Variants in ERC1 observed in about 807,000 individuals in gnomAD.
ERC1 encodes the protein RAB6 interacting protein 2.
Under a neutral mutation model 132.0 loss-of-function variants are expected in ERC1, and 56 were observed. The observed-to-expected ratio is 0.42, with a 90% CI of 0.34 to 0.53. The LOEUF (loss-of-function observed/expected upper bound fraction) is 0.53, where lower values mean the gene tolerates loss of function less well. Among genes scored for constraint, ERC1 ranks in the 20% least tolerant of loss-of-function variants. ERC1 has a pLI of 0.03. For synonymous variants in ERC1, 478 were observed against 476.1 expected (o/e 1.00, Z -0.05); for missense variants, 1,202 against 1,349.9 (o/e 0.89, Z 1.72).
intron 7 of ERC1, among the ~76,000 whole-genome samples, chr12:1,139,642 C>T (rs973348184): frequency 6.6e-6 from 1 of 151,494 alleles, no homozygotes; most frequent in Non-Finnish European, 1.5e-5. Context: ...TACATGAACA[C>T]ATGCAGGAAG....
chr12:1,467,554 G>A (rs775785993), intron 18 of ERC1, among the ~76,000 whole-genome samples: 22 of 152,164 alleles, frequency 1.4e-4, no homozygotes, highest in African/African-American at 1.9e-4. Flanking sequence ...GGTCCCCAAC[G>A]TTTTCGGCAC....
At chr12:1,210,002 T>C (rs1957718581) in intron 12 of ERC1, among the ~76,000 whole-genome samples, 1 of 152,148 alleles carries the variant, frequency 6.6e-6, no homozygotes. Flanking sequence ...AGGTTAAGAT[T>C]TCAGGATGTT....
intron 16 of ERC1, among the ~76,000 whole-genome samples, chr12:1,384,498 A>G (rs1383398736): frequency 2.6e-5 from 4 of 152,236 alleles, no homozygotes; most frequent in African/African-American, 9.6e-5. Context: ...GTTCCAAAGT[A>G]TTGCACAGCA....
At chr12:1,488,365 C>T (rs992044747) in intron 18 of ERC1, among the ~76,000 whole-genome samples, 2 of 151,892 alleles carry the variant, frequency 1.3e-5, no homozygotes, top group Non-Finnish European at 1.5e-5. Context: ...ATTTGTCAAG[C>T]ACTTTATATG....
chr12:1,352,684 A>C (rs755546143), intron 15 of ERC1, among the ~76,000 whole-genome samples: 3 of 150,726 alleles, frequency 2.0e-5, no homozygotes, highest in Non-Finnish European at 4.4e-5. Flanking sequence ...TTTCTCTACT[A>C]CACTTGTCCA....
intron 15 of ERC1, among the ~76,000 whole-genome samples, chr12:1,333,820 AATC>A (rs768691571): frequency 4.6e-5 from 7 of 152,154 alleles, no homozygotes; most frequent in Non-Finnish European, 1.0e-4. Flanking sequence ...TTCTTTGAGG[AATC>A]ATCATGCTGT....
At chr12:1,040,324 C>CT (rs956609769) in intron 2 of ERC1, among the ~76,000 whole-genome samples, 8,890 of 137,898 alleles carry the variant, frequency 0.064, 393 homozygotes, top group Admixed American at 0.14. Context: ...TTTCTTTTTT[C>CT]TTTTTTTTTT....
chr12:1,154,338 T>C (rs1007405355), intron 8 of ERC1, among the ~76,000 whole-genome samples: 4 of 118,856 alleles, frequency 3.4e-5, no homozygotes, highest in Non-Finnish European at 5.1e-5. Flanking sequence ...TATACACACA[T>C]ACCCATGTGT....
intron 15 of ERC1, among the ~76,000 whole-genome samples, chr12:1,355,860 G>A (rs1368182401): frequency 3.3e-5 from 5 of 152,082 alleles, no homozygotes; most frequent in Non-Finnish European, 5.9e-5. Flanking sequence ...TTCAGAAATG[G>A]GAAAAATGGC....
intron 15 of ERC1, among the ~76,000 whole-genome samples, chr12:1,318,478 G>A (rs1374180111): frequency 2.0e-5 from 3 of 152,144 alleles, no homozygotes; most frequent in East Asian, 1.9e-4. Flanking sequence ...CAAACTGTTC[G>A]GAGTACAGTG....
intron 2 of ERC1, among the ~76,000 whole-genome samples, chr12:1,031,628 A>T (rs1055421251): frequency 6.6e-6 from 1 of 152,198 alleles, no homozygotes; most frequent in Non-Finnish European, 1.5e-5. Flanking sequence ...TTTACTTTTT[A>T]ATCAATTATT....
At chr12:1,138,233 A>G (rs1949529344) in intron 7 of ERC1, among the ~76,000 whole-genome samples, 1 of 125,554 alleles carries the variant, frequency 8.0e-6, no homozygotes, top group Non-Finnish European at 1.6e-5. Flanking sequence ...TATCATGTAT[A>G]ATATAATTAC....
intron 15 of ERC1, among the ~76,000 whole-genome samples, chr12:1,327,439 A>G (rs539176608): frequency 1.3e-5 from 2 of 152,256 alleles, no homozygotes; most frequent in South Asian, 2.1e-4. Flanking sequence ...GTAGCCCCCA[A>G]ATAAATTTTT....
intron 14 of ERC1, among the ~76,000 whole-genome samples, chr12:1,268,981 A>G (rs909699598): frequency 2.0e-5 from 3 of 152,346 alleles, no homozygotes; most frequent in African/African-American, 7.2e-5. Flanking sequence ...CAGTCAGATC[A>G]TGCTGAATGA....
chr12:1,104,927 C>A, intron 4 of ERC1, 103 bp downstream of exon 4: 2 of 698,004 alleles, frequency 2.9e-6, no homozygotes, highest in Non-Finnish European at 5.1e-6. Context: ...AATAGTATTT[C>A]ACTTATTTGG....
rs146584367 is a variant in ERC1 at position 1,451,040 on chromosome 12, A to G, written c.3213+6290A>G. The stretch of plus-strand genomic sequence containing the variant: ...TGTTACTGAGTTTTAGAAGTTCTCT[A>G]CATAGTTAGATAGTTATCCCTAATC... On this transcript the variant is annotated intron_variant, in intron 18 of 18. Transcript: ENST00000360905. 3.7e-3 allele frequency among the ~76,000 whole-genome samples: 556 copies of G among 152,328 alleles called. 4 individuals are homozygous for G. The highest frequency in any genetic ancestry group is 0.013 in the African/African-American group (527 of 41,564).
intron 1 of ERC1, among the ~76,000 whole-genome samples, chr12:1,016,896 C>T (rs979946079): frequency 2.6e-5 from 4 of 152,304 alleles, no homozygotes; most frequent in Admixed American, 6.5e-5. Context: ...AGTGATCTGC[C>T]TGCCTTGGCC....
chr12:1,338,293 C>T (rs1595086318), intron 15 of ERC1, among the ~76,000 whole-genome samples: 2 of 152,302 alleles, frequency 1.3e-5, no homozygotes, highest in East Asian at 3.8e-4. Flanking sequence ...AGTCTTCAAG[C>T]TCTGAGACAC....
At chr12:1,440,598 TTTTGTGTGTGTGTGTGTG>T (rs1423512357) in intron 17 of ERC1, among the ~76,000 whole-genome samples, 1 of 106,528 alleles carries the variant, frequency 9.4e-6, no homozygotes, top group Non-Finnish European at 1.7e-5. Context: ...TGCCTCAGCC[TTTTGTGTGTGTGTGTGTG>T]TGTGTGTGTG....
Sources: gnomAD v4.1 joint callset for allele counts (sites outside exome capture counted in the v4.1 genomes callset) on GRCh38, gnomAD v4.1.1 for gene constraint, MANE v1.5 for transcripts, NCBI Gene and HGNC (gene_info 2026-07-23, HGNC 2026-07-21) for gene names.